Variants in TBC1D16 observed in about 807,000 individuals in gnomAD.
The protein encoded by TBC1D16 is CTD-2529O21.1.
TBC1D16 carries 58 observed loss-of-function variants against 74.7 expected under a neutral mutation model. The observed-to-expected ratio is 0.78, with a 90% confidence interval of 0.63 to 0.97. The LOEUF (loss-of-function observed/expected upper bound fraction) is 0.97. TBC1D16 is among the 50% of genes least tolerant of loss of function. The pLI, the probability that TBC1D16 is intolerant of heterozygous loss-of-function variation, is 0.00. For missense variants in TBC1D16, 1,014 were observed against 1,079.5 expected (o/e 0.94, Z 0.85); for synonymous variants, 493 against 474.7 (o/e 1.04, Z -0.50).
At position 79,945,034 on chromosome 17, in the gene TBC1D16, C is replaced by A; in HGVS notation, c.1782G>T (p.Leu594=). Residue 594 remains leucine (L), a synonymous_variant, in exon 10 of 12, where the codon CTG becomes CTT. Transcript: ENST00000310924. The part of the protein sequence containing the change: ...RLTHVRFYQH[L]VSLGEDGLQM... The stretch of plus-strand genomic sequence containing the variant: ...GCAGGCCGTCCTCGCCCAGCGAGAC[C>A]AGGTGCTGGTAGAAGCGCACGTGCG... 1 of 1,584,636 alleles carries A rather than the reference C, an allele frequency of 6.3e-7. No homozygotes were observed. The highest frequency in any genetic ancestry group is 2.3e-5 in the East Asian group (1 of 43,794).
intron 4 of TBC1D16, 121 bp from the exon 5 acceptor site, chr17:79,951,718 C>G (rs2033064199): frequency 4.9e-6 from 6 of 1,216,194 alleles, no homozygotes; most frequent in Non-Finnish European, 6.8e-6. Flanking sequence ...CAGTGAGTCC[C>G]AGTGGAGTTG....
At position 79,983,196 on chromosome 17, in the gene TBC1D16, T is replaced by G. The variant is rs544652616; in HGVS notation, c.779+26964A>C. On this transcript the variant is annotated intron_variant, in intron 3 of 11. Coordinates refer to ENST00000310924, the MANE Select transcript of TBC1D16 (RefSeq NM_019020.4). This position sits in a 1 kb window ranked among gnomAD's most constrained non-coding sequence, Gnocchi z 5.6. ...GTGCAGGCGTGAAACCCAGTGGCGG[T>G]TCAGAAGACGTGGCAGCGCGGGAGG... is the stretch of plus-strand genomic sequence containing the variant. 2.3e-3 allele frequency among the ~76,000 whole-genome samples: 354 copies of G among 152,254 alleles called. 3 individuals carry two copies. The highest frequency in any genetic ancestry group is 8.1e-3 in the African/African-American group (335 of 41,558).
At position 79,985,114 on chromosome 17, in the gene TBC1D16, G is replaced by A. The variant is rs910778603; in HGVS notation, c.779+25046C>T. ...CGCCCCCTCTGAAGGCTCCAGGCAA[G>A]AGTCTTTCCTGCCTCTTCCAGCTGG... On this transcript the variant is annotated intron_variant, in intron 3 of 11. Transcript: ENST00000310924. This position sits in a 1 kb window ranked among gnomAD's most constrained non-coding sequence, Gnocchi z 4.9. Among the ~76,000 whole-genome samples the A allele has an allele frequency of 6.6e-6, 1 of 152,188 alleles. No homozygotes were observed. The highest frequency in any genetic ancestry group is 2.4e-5 in the African/African-American group (1 of 41,460).
At chr17:79,977,902 C>T (rs2034400382) in intron 3 of TBC1D16, among the ~76,000 whole-genome samples, 1 of 152,246 alleles carries the variant, frequency 6.6e-6, no homozygotes, top group Non-Finnish European at 1.5e-5. Context: ...AGCAATAAAG[C>T]CTCGGCGACT....
rs2036978582 is a variant in TBC1D16 at position 80,035,730 on chromosome 17, T to G, written c.-63+65A>C. On this transcript the variant is annotated intron_variant, in intron 1 of 11. Transcript: ENST00000310924. The surrounding 1 kb of genome is among the most constrained non-coding windows in gnomAD (Gnocchi z 5.3). ...CGCCCCAGCTCCGCCGAGGGGGCGC[T>G]GCTCGCTGCGCGGTGGACCCCTCGG... is the stretch of plus-strand genomic sequence containing the variant. 1 of 146,954 alleles carries G rather than the reference T, an allele frequency of 6.8e-6. No individual in the cohort carries two copies. 9.1% of individuals were successfully genotyped at this position (146,954 alleles called of 1,614,324 possible).
rs1403693524 is a variant in TBC1D16 at position 79,936,887 on chromosome 17, C to T, written c.*3972G>A. 1 of 136,512 alleles carries T rather than the reference C, an allele frequency of 7.3e-6. No individual in the cohort carries two copies. Among genetic ancestry groups the T allele is most frequent in the Non-Finnish European group, 1.6e-5 (1 of 62,868 alleles). 8.5% of individuals were successfully genotyped at this position (136,512 alleles called of 1,614,324 possible). On this transcript the variant is annotated 3_prime_UTR_variant, in exon 12 of 12. Coordinates refer to ENST00000310924, the MANE Select transcript of TBC1D16 (RefSeq NM_019020.4). ...CTGCACATATGTGTGTGTGTGTGTG[C>T]ATGCGTGCGTGTGTGCATGTGCGTG... is the stretch of plus-strand genomic sequence containing the variant.
In TBC1D16 at chr17:79,986,189, C is replaced by A. The variant is rs1035196910; in HGVS notation, c.779+23971G>T. 2.0e-5 allele frequency among the ~76,000 whole-genome samples: 3 copies of A among 152,114 alleles called. No homozygotes were observed. Among genetic ancestry groups the A allele is most frequent in the African/African-American group, 7.2e-5 (3 of 41,414 alleles). ...CCAATTTCCTCGTGGTCCCAAAGTG[C>A]GGGAGGGAGGGCAGGAGGCGGCAAG... On this transcript the variant is annotated intron_variant, in intron 3 of 11. Transcript: ENST00000310924. The surrounding 1 kb of genome is among the most constrained non-coding windows in gnomAD (Gnocchi z 6.0).
At chr17:79,951,628 G>A in intron 4 of TBC1D16, 31 bp from the exon 5 acceptor site, 2 of 1,604,018 alleles carry the variant, frequency 1.2e-6, no homozygotes, top group Non-Finnish European at 1.7e-6. Context: ...GGAGAGGGAA[G>A]CCCGATGAAT....
Position 80,001,326 on chromosome 17 carries a change from G to C in TBC1D16, c.779+8834C>G, listed in dbSNP as rs1406736779. Among the ~76,000 whole-genome samples the C allele has an allele frequency of 1.3e-5, 2 of 152,244 alleles. No homozygotes were observed. The highest frequency in any genetic ancestry group is 2.9e-5 in the Non-Finnish European group (2 of 68,044). On this transcript the variant is annotated intron_variant, in intron 3 of 11. Transcript: ENST00000310924. The surrounding 1 kb of genome is among the most constrained non-coding windows in gnomAD (Gnocchi z 5.8). ...AGCCTGCCAAGTGCTACAGAAACAA[G>C]ACGAGATTAGTCTGAACGACACACA... is the stretch of plus-strand genomic sequence containing the variant.
chr17:80,020,454 G>A (rs1484068355), intron 1 of TBC1D16, among the ~76,000 whole-genome samples: 4 of 149,240 alleles, frequency 2.7e-5, no homozygotes, highest in Non-Finnish European at 1.5e-5. Flanking sequence ...GCGTAGGGGC[G>A]GGTGCCTGTA....
chr17:79,941,162 G>A lies in TBC1D16; in HGVS notation c.2056-55C>T. The A allele has an allele frequency of 6.7e-7, 1 of 1,488,064 alleles. No individual in the cohort carries two copies. The highest frequency in any genetic ancestry group is 9.0e-7 in the Non-Finnish European group (1 of 1,106,568). 92.2% of individuals were successfully genotyped at this position (1,488,064 alleles called of 1,614,324 possible). ...GGCCGGGGGACAGCCTGGCAGCCTA[G>A]GGTCCCCATGGGAGTGGCCAAAGAC... On this transcript the variant is annotated intron_variant, in intron 11 of 11. Coordinates refer to ENST00000310924, the MANE Select transcript of TBC1D16 (RefSeq NM_019020.4). This position sits in a 1 kb window ranked among gnomAD's most constrained non-coding sequence, Gnocchi z 4.3.
chr17:80,008,084 G>A lies in TBC1D16; in HGVS notation c.779+2076C>T, dbSNP rs1005402822. On this transcript the variant is annotated intron_variant, in intron 3 of 11. Transcript: ENST00000310924. This position sits in a 1 kb window ranked among gnomAD's most constrained non-coding sequence, Gnocchi z 4.5. ...ACCCCCTGGGCACAGACTCGGCCCC[G>A]GGTGAGAATCACTGCTCTAGAAGAA... is the stretch of plus-strand genomic sequence containing the variant. 2.6e-5 allele frequency among the ~76,000 whole-genome samples: 4 copies of A among 151,536 alleles called. No homozygotes were observed. Among genetic ancestry groups the A allele is most frequent in the Admixed American group, 6.6e-5 (1 of 15,242 alleles).
intron 4 of TBC1D16, 147 bp from the exon 5 acceptor site, chr17:79,951,744 G>T: frequency 1.0e-6 from 1 of 977,760 alleles, no homozygotes; most frequent in Non-Finnish European, 1.5e-6. Context: ...TAGCGGGAGG[G>T]GACAGAACTA....
At position 79,995,433 on chromosome 17, in the gene TBC1D16, CAATA is replaced by C. The variant is rs963496434; in HGVS notation, c.779+14723_779+14726del. On this transcript the variant is annotated intron_variant, in intron 3 of 11. Coordinates refer to ENST00000310924, the MANE Select transcript of TBC1D16 (RefSeq NM_019020.4). ...GCGGGAGTCATTGCACATCCATAGGCAATAAATAAATAAATAAACCTCGACCCCG... is the reference window on the plus strand; with the variant it reads ...GCGGGAGTCATTGCACATCCATAGGCAATAAATAAATAAACCTCGACCCCG... Among the ~76,000 whole-genome samples, 9 of 152,052 alleles carry C rather than the reference CAATA, an allele frequency of 5.9e-5. No individual in the cohort carries two copies. The East Asian group carries it at 9.6e-4, about 16-fold the overall frequency.
At position 79,980,740 on chromosome 17, in the gene TBC1D16, A is replaced by C. The variant is rs2034546108; in HGVS notation, c.780-27922T>G. 6.6e-6 allele frequency among the ~76,000 whole-genome samples: 1 copy of C among 152,300 alleles called. No individual in the cohort carries two copies. Among genetic ancestry groups the C allele is most frequent in the Non-Finnish European group, 1.5e-5 (1 of 68,026 alleles). On this transcript the variant is annotated intron_variant, in intron 3 of 11. Transcript: ENST00000310924. The surrounding 1 kb of genome is among the most constrained non-coding windows in gnomAD (Gnocchi z 7.0). ...CACTCGAACCGCCTCCGCGCACCCC[A>C]ACAGCAGAGACGTAACGTGCAGGAC...
rs772333842 is a variant in TBC1D16 at position 79,947,792 on chromosome 17, G to A, written c.1581C>T (p.Val527=). The A allele has an allele frequency of 1.1e-4, 173 of 1,613,674 alleles. No individual in the cohort carries two copies. The highest frequency in any genetic ancestry group is 1.6e-4 in the Middle Eastern group (1 of 6,084). ...GGTCCGACATCCCTTGGGAATAGCC[G>A]ACGGCAGGGTTGTACACGGCGTAGT... is the stretch of plus-strand genomic sequence containing the variant. The part of the protein sequence containing the change: ...LLNYAVYNPA[V]GYSQGMSDLV... The change falls in exon 9 of 12, where the codon GTC becomes GTT. Residue 527 remains valine (V), a synonymous_variant. Transcript: ENST00000310924.
rs1191288031 is a variant in TBC1D16 at position 79,936,891 on chromosome 17, CGTGCGTGTGTGCAT to C, written c.*3954_*3967del. 7.5e-6 allele frequency: 1 copy of C among 133,404 alleles called. No individual in the cohort carries two copies. The highest frequency in any genetic ancestry group is 7.6e-5 in the Admixed American group (1 of 13,150). The allele number at this position is 133,404 out of a possible 1,614,324, so 8.3% of individuals were successfully genotyped here. ...ACATATGTGTGTGTGTGTGTGCATG[CGTGCGTGTGTGCAT>C]GTGCGTGTGTGTGTGTGTGTGTGTG... On this transcript the variant is annotated 3_prime_UTR_variant, in exon 12 of 12. Transcript: ENST00000310924.
chr17:79,951,400 G>T, intron 5 of TBC1D16, 50 bp downstream of exon 5: 1 of 1,594,278 alleles, frequency 6.3e-7, no homozygotes, highest in South Asian at 1.1e-5. Flanking sequence ...GGCCCGTGGG[G>T]GGTGGGGAGT....
In TBC1D16 at chr17:79,947,659, T is replaced by C. The variant is rs2032662588; in HGVS notation, c.1714A>G (p.Met572Val). The C allele has an allele frequency of 2.5e-6, 4 of 1,614,106 alleles. No individual in the cohort carries two copies. The South Asian group carries it at 3.3e-5, about 13-fold the overall frequency. The change falls in exon 9 of 12, where the codon ATG becomes GTG. Residue 572 changes from methionine (M) to valine (V), a missense_variant. By Grantham distance (21) the Met-to-Val change is conservative (BLOSUM62 1). Coordinates refer to ENST00000310924, the MANE Select transcript of TBC1D16 (RefSeq NM_019020.4). ...CTGAGCCTCACCAGTTGTTTCTCCA[T>C]GTCCTCGTCCCGGGGTGAGCTGACG... ...IFVSSPRDED[M>V]EKQLLYLREL...
Sources: allele counts gnomAD v4.1 joint callset (sites outside exome capture counted in the v4.1 genomes callset), GRCh38; gene constraint gnomAD v4.1.1; non-coding constraint Gnocchi (gnomAD v3.1); transcripts MANE v1.5; gene names NCBI Gene and HGNC (gene_info 2026-07-23, HGNC 2026-07-21).